The following PKD2 variants were observed in gnomAD, a reference collection of about 807,000 sequenced individuals.
PKD2 encodes the protein polycystin-2.
In PKD2, 48 loss-of-function variants were observed where a neutral mutation model predicts 105.9. The observed-to-expected ratio is 0.45, with a 90% CI of 0.36 to 0.58. The LOEUF (loss-of-function observed/expected upper bound fraction) is 0.58. PKD2 is among the 20% of genes least tolerant of loss of function. PKD2 has a pLI of 0.00. For missense variants in PKD2, 1,078 were observed against 1,255.3 expected, an observed-to-expected ratio of 0.86 and a Z score of 2.13; for synonymous variants, 464 against 481.1, an observed-to-expected ratio of 0.96 and a Z score of 0.46.
At chr4:88,075,346 A>G (rs1235054903) in intron 14 of PKD2, 112 bp from the exon 15 acceptor site, 4 of 860,990 alleles carry the variant, frequency 4.6e-6, no homozygotes, top group Non-Finnish European at 8.1e-6. Context: ...GAGATTTGCT[A>G]TTATATGCTG....
intron 1 of PKD2, among the ~76,000 whole-genome samples, chr4:88,014,135 GT>G (rs969187745): frequency 4.6e-5 from 7 of 152,194 alleles, no homozygotes; most frequent in African/African-American, 1.7e-4. Flanking sequence ...CATCAGAACT[GT>G]GGAACCAACT....
At chr4:88,020,754 A>G (rs576565148) in intron 2 of PKD2, among the ~76,000 whole-genome samples, 2 of 151,626 alleles carry the variant, frequency 1.3e-5, no homozygotes, top group African/African-American at 2.4e-5. Context: ...CAGTGGCACA[A>G]TCATAGCTCA....
At chr4:88,033,847 C>G (rs1481754352) in intron 2 of PKD2, among the ~76,000 whole-genome samples, 1 of 152,048 alleles carries the variant, frequency 6.6e-6, no homozygotes, top group East Asian at 1.9e-4. Context: ...CTCTGAGCAG[C>G]CTTCACTGCT....
rs1727426830 is a variant in PKD2 at position 88,038,514 on chromosome 4, G to A, written c.1094+13G>A. 6.2e-7 allele frequency: 1 copy of A among 1,613,276 alleles called. No homozygotes were observed. The highest frequency in any genetic ancestry group is 8.5e-7 in the Non-Finnish European group (1 of 1,179,286). On this transcript the variant is annotated intron_variant, in intron 4 of 14. Transcript: ENST00000237596. Reference sequence around the variant, plus strand: ...GAAATGGAACCGCGTAAGTGTCTGTGACTCATTGCCACTCGGTGATATTCA... The same window carrying A: ...GAAATGGAACCGCGTAAGTGTCTGTAACTCATTGCCACTCGGTGATATTCA...
At chr4:88,028,388 C>A (rs966848244) in intron 2 of PKD2, among the ~76,000 whole-genome samples, 2 of 152,210 alleles carry the variant, frequency 1.3e-5, no homozygotes, top group Non-Finnish European at 2.9e-5. Flanking sequence ...TGATTGCTCA[C>A]CACATATCTT....
At chr4:88,070,298 A>G (rs1426171265) in intron 13 of PKD2, among the ~76,000 whole-genome samples, 3 of 151,842 alleles carry the variant, frequency 2.0e-5, no homozygotes, top group Non-Finnish European at 2.9e-5. Context: ...TTACTGTGAT[A>G]TGTCTGGGTA....
In PKD2 at chr4:88,031,192, A is replaced by G. The variant is rs147895322; in HGVS notation, c.710-5028A>G. On this transcript the variant is annotated intron_variant, in intron 2 of 14. Coordinates refer to ENST00000237596, the MANE Select transcript of PKD2 (RefSeq NM_000297.4). ...TTGTATTGCCAGATGGTTTTGCCCA[A>G]CTAGCCTAATGTAAGTATTCTAAAC... 4.1e-4 allele frequency among the ~76,000 whole-genome samples: 62 copies of G among 152,356 alleles called. 1 individual carries two copies. In the East Asian group the frequency reaches 8.7e-3, roughly 21 times the overall value.
chr4:88,046,307 G>A (rs1727761019), intron 5 of PKD2, among the ~76,000 whole-genome samples: 1 of 152,030 alleles, frequency 6.6e-6, no homozygotes, highest in East Asian at 1.9e-4. Flanking sequence ...AATAATAACA[G>A]AAGTCCTAGA....
chr4:88,017,152 C>G (rs1726588310), intron 1 of PKD2, among the ~76,000 whole-genome samples: 1 of 152,014 alleles, frequency 6.6e-6, no homozygotes, highest in African/African-American at 2.4e-5. Flanking sequence ...ATTGAGACCT[C>G]ATCTCTGCAA....
At chr4:88,035,237 G>A (rs564732093) in intron 2 of PKD2, among the ~76,000 whole-genome samples, 4 of 152,256 alleles carry the variant, frequency 2.6e-5, no homozygotes, top group Admixed American at 6.5e-5. Flanking sequence ...GGATCTTCCC[G>A]CCTCCTTCCA....
In PKD2 at chr4:88,046,766, T is replaced by G. The variant is rs201504575; in HGVS notation, c.1444T>G (p.Phe482Val). The part of the protein sequence containing the change: ...FLAACEIIFC[F>V]FIFYYVVEEI... The stretch of plus-strand genomic sequence containing the variant: ...GGCAGCCTGTGAGATTATCTTTTGT[T>G]TCTTTATCTTTTACTATGTGGTGGA... Residue 482 changes from phenylalanine (F) to valine (V), a missense_variant, in exon 6 of 15, where the codon TTC becomes GTC. Phe to Val is a conservative substitution (Grantham distance 50). Transcript: ENST00000237596. The G allele has an allele frequency of 2.4e-5, 39 of 1,611,914 alleles. No homozygotes were observed. The highest frequency in any genetic ancestry group is 1.7e-4 in the Middle Eastern group (1 of 6,050).
At position 88,068,104 on chromosome 4, in the gene PKD2, C is replaced by T. The variant is rs1415253062; in HGVS notation, c.2522+43C>T. 6 of 1,452,234 alleles carry T rather than the reference C, an allele frequency of 4.1e-6. No homozygotes were observed. The Middle Eastern group carries it at 5.2e-4, about 126-fold the overall frequency. 90.0% of individuals were successfully genotyped at this position (1,452,234 alleles called of 1,614,324 possible). On this transcript the variant is annotated intron_variant, in intron 13 of 14. Transcript: ENST00000237596. Reference sequence around the variant, plus strand: ...GGCAGAATTTGCGTTGACAAGAGTCCACATGAGACCAGGCAGTTCCCTCAT... The same window carrying T: ...GGCAGAATTTGCGTTGACAAGAGTCTACATGAGACCAGGCAGTTCCCTCAT...
At chr4:88,010,892 G>A (rs1254291459) in intron 1 of PKD2, among the ~76,000 whole-genome samples, 1 of 152,232 alleles carries the variant, frequency 6.6e-6, no homozygotes, top group Admixed American at 6.5e-5. Context: ...GCCTGTTGAG[G>A]CCTGTTTGCT....
At position 88,007,959 on chromosome 4, in the gene PKD2, T is replaced by C. The variant is rs1386677969; in HGVS notation, c.226T>C (p.Ser76Pro). Residue 76 changes from serine (S) to proline (P), a missense_variant, in exon 1 of 15, where the codon TCT becomes CCT. Ser to Pro is a moderately conservative substitution (Grantham distance 74, BLOSUM62 -1). Around this residue, in one of 2 missense-constraint regions of PKD2, gnomAD observed 210 missense variants for 187.9 expected, o/e 1.12. Transcript: ENST00000237596. ...DPPAGAAASPSPPLSSCSRQA... is the reference protein window; with the variant it reads ...DPPAGAAASPPPPLSSCSRQA... ...CCCGGCCGGAGCCGCGGCCTCCCCT[T>C]CTCCTCCGCTCTCGTCGTGCTCCCG... The C allele has an allele frequency of 1.3e-6, 2 of 1,487,460 alleles. No homozygotes were observed. The highest frequency in any genetic ancestry group is 1.3e-5 in the South Asian group (1 of 79,598). 92.1% of individuals were successfully genotyped at this position (1,487,460 alleles called of 1,614,324 possible).
chr4:88,046,910 A>G (rs749114897), intron 6 of PKD2, 40 bp downstream of exon 6: 4 of 1,162,306 alleles, frequency 3.4e-6, no homozygotes, highest in South Asian at 1.2e-5. Flanking sequence ...ATTCTATTCT[A>G]CAAGCATGTT....
intron 2 of PKD2, among the ~76,000 whole-genome samples, chr4:88,021,552 A>G (rs1282752078): frequency 6.6e-6 from 1 of 152,228 alleles, no homozygotes; most frequent in African/African-American, 2.4e-5. Context: ...TAGCAGTCAT[A>G]TGGTCTGACC....
At chr4:88,042,041 C>T (rs535599931) in intron 4 of PKD2, among the ~76,000 whole-genome samples, 1 of 152,368 alleles carries the variant, frequency 6.6e-6, no homozygotes, top group Admixed American at 6.5e-5. Flanking sequence ...ACCTTTCAAT[C>T]TGCCATTCTT....
At position 88,043,359 on chromosome 4, in the gene PKD2, T is replaced by C. The variant is rs1453340820; in HGVS notation, c.1221T>C (p.Ala407=). ...GAGAGGAAACAGCTGCACAAGTTGC[T>C]AGCCTCAAGAAAAATGTCTGGCTGG... The part of the protein sequence containing the change: ...RTREETAAQV[A]SLKKNVWLDR... The change falls in exon 5 of 15, where the codon GCT becomes GCC. Residue 407 remains alanine, a synonymous_variant. Transcript: ENST00000237596. The C allele has an allele frequency of 1.2e-6, 2 of 1,613,926 alleles. No homozygotes were observed. The highest frequency in any genetic ancestry group is 8.5e-7 in the Non-Finnish European group (1 of 1,179,942).
intron 6 of PKD2, among the ~76,000 whole-genome samples, chr4:88,051,510 A>G (rs1457533919): frequency 6.6e-6 from 1 of 152,212 alleles, no homozygotes; most frequent in Non-Finnish European, 1.5e-5. Flanking sequence ...TTTTTGTTAA[A>G]CAGAGCAAAG....
Sources: allele counts gnomAD v4.1 joint callset (sites outside exome capture counted in the v4.1 genomes callset), GRCh38; gene constraint gnomAD v4.1.1; regional missense constraint gnomAD v4.1.1; transcripts MANE v1.5; gene names NCBI Gene and HGNC (gene_info 2026-07-23, HGNC 2026-07-21).